FAM171A1: variants seen among roughly 807,000 people sequenced by gnomAD.
FAM171A1 encodes protein FAM171A1.
FAM171A1 carries 23 observed loss-of-function variants against 74.9 expected under a neutral mutation model. The observed-to-expected ratio is 0.31, with a 90% confidence interval of 0.22 to 0.44. The LOEUF is 0.44. FAM171A1 is among the 20% of genes least tolerant of loss of function. The pLI is 1.00. For synonymous variants in FAM171A1, 527 were observed against 505.7 expected, an observed-to-expected ratio of 1.04 and a Z score of -0.57; for missense variants, 1,162 against 1,159.2, an observed-to-expected ratio of 1.00 and a Z score of -0.03.
intron 1 of FAM171A1, among the ~76,000 whole-genome samples, chr10:15,285,981 G>GCTCCA: frequency 6.6e-6 from 1 of 152,356 alleles, no homozygotes; most frequent in Middle Eastern, 3.4e-3. Context: ...CCATGTGCTA[G>GCTCCA]CCATGTAGCC....
At chr10:15,233,559 T>A (rs1834238523) in intron 5 of FAM171A1, among the ~76,000 whole-genome samples, 1 of 143,048 alleles carries the variant, frequency 7.0e-6, no homozygotes, top group South Asian at 2.3e-4. Flanking sequence ...TGTGTGTGCA[T>A]GTGTGTGCGT....
In FAM171A1 at chr10:15,215,938, T is replaced by G; in HGVS notation, c.986+58A>C. On this transcript the variant is annotated intron_variant, in intron 7 of 7. Coordinates refer to ENST00000378116, the MANE Select transcript of FAM171A1 (RefSeq NM_001010924.2). ...ACCTCCATATTAATGCTTCTAAGTA[T>G]CAATTGCCCAAGAAACTGTGAATTA... The G allele has an allele frequency of 4.5e-6, 5 of 1,099,854 alleles. No homozygotes were observed. In the South Asian group the frequency reaches 7.9e-5, roughly 17 times the overall value. The allele number at this position is 1,099,854 out of a possible 1,614,324, so 68.1% of individuals were successfully genotyped here. A position where few individuals can be genotyped will look rare whatever the true frequency, so the allele number is the denominator to read the frequency against.
chr10:15,231,190 T>C (rs778794226), intron 5 of FAM171A1, among the ~76,000 whole-genome samples: 18 of 152,270 alleles, frequency 1.2e-4, no homozygotes, highest in South Asian at 4.1e-4. Flanking sequence ...GAGGAAAGCC[T>C]GAGAAGGCAA....
At chr10:15,215,391 A>G (rs932179518) in intron 7 of FAM171A1, among the ~76,000 whole-genome samples, 3 of 151,752 alleles carry the variant, frequency 2.0e-5, no homozygotes, top group Non-Finnish European at 2.9e-5. Context: ...TTTGAGATGG[A>G]GTCTTGCTCT....
intron 1 of FAM171A1, among the ~76,000 whole-genome samples, chr10:15,317,117 A>C (rs562967837): frequency 6.6e-6 from 1 of 152,180 alleles, no homozygotes; most frequent in East Asian, 1.9e-4. Flanking sequence ...CCAGTCACGG[A>C]AACAGGACAC....
At chr10:15,372,762 C>T (rs1836165825), upstream of FAM171A1, among the ~76,000 whole-genome samples, 1 of 150,782 alleles carries the variant, frequency 6.6e-6, no homozygotes, top group African/African-American at 2.4e-5. Context: ...CAAAACAAAA[C>T]CAAACCTCTA....
intron 1 of FAM171A1, among the ~76,000 whole-genome samples, chr10:15,328,227 C>G (rs1220844700): frequency 2.0e-5 from 3 of 152,214 alleles, no homozygotes; most frequent in African/African-American, 4.8e-5. Context: ...TCACTGCAAC[C>G]TCCACCTCCT....
rs771320430 is a variant in FAM171A1, at chr10:15,284,068, G to A, written c.135C>T (p.Thr45=). 2.5e-6 allele frequency: 4 copies of A among 1,613,800 alleles called. No individual in the cohort carries two copies. Among genetic ancestry groups the A allele is most frequent in the Middle Eastern group, 1.6e-4 (1 of 6,084 alleles). The change falls in exon 2 of 8, where the codon ACC becomes ACT. Residue 45 remains threonine (T), a synonymous_variant. Transcript: ENST00000378116. ...TLKVHISDAS[T]HQPVADALIE... ...TGAGCGCATCTGCTACGGGCTGGTG[G>A]GTGCTGGCGTCGCTGATGTGCACCT... is the stretch of plus-strand genomic sequence containing the variant.
rs186653028 is a variant in FAM171A1 at position 15,318,175 on chromosome 10, G to A, written c.98-34070C>T. Among the ~76,000 whole-genome samples, 186 of 152,332 alleles carry A rather than the reference G, an allele frequency of 1.2e-3. No homozygotes were observed. In the Middle Eastern group the frequency reaches 0.02, roughly 17 times the overall value. ...TCTTGGCAATAAAGAGAGCTGAAAT[G>A]TGACCAGCAGGAGAGGGGTGTGATG... is the stretch of plus-strand genomic sequence containing the variant. On this transcript the variant is annotated intron_variant, in intron 1 of 7. Coordinates refer to ENST00000378116, the MANE Select transcript of FAM171A1 (RefSeq NM_001010924.2).
intron 5 of FAM171A1, among the ~76,000 whole-genome samples, chr10:15,230,643 AT>A (rs111610537): frequency 6.6e-6 from 1 of 151,730 alleles, no homozygotes; most frequent in Non-Finnish European, 1.5e-5. Flanking sequence ...TAAGCAACTG[AT>A]TTTTTTTTCT....
At chr10:15,338,354 T>TTTATTTTTATAA (rs1835727580) in intron 1 of FAM171A1, among the ~76,000 whole-genome samples, 1 of 152,234 alleles carries the variant, frequency 6.6e-6, no homozygotes. Context: ...ATACATTATG[T>TTTATTTTTATAA]GCCTATCAAA....
chr10:15,317,741 T>C (rs1171200071), intron 1 of FAM171A1, among the ~76,000 whole-genome samples: 1 of 152,194 alleles, frequency 6.6e-6, no homozygotes, highest in Admixed American at 6.5e-5. Flanking sequence ...AATTCATAAA[T>C]ATATACCCAC....
chr10:15,215,084 C>T lies in FAM171A1; in HGVS notation c.987-483G>A, dbSNP rs559195823. Reference sequence around the variant, plus strand: ...TTTATCCTTATTAGAGTAGGATAATCGAGAGATTTCATCTTTTACTGTCTG... The same window carrying T: ...TTTATCCTTATTAGAGTAGGATAATTGAGAGATTTCATCTTTTACTGTCTG... On this transcript the variant is annotated intron_variant, in intron 7 of 7. Coordinates refer to ENST00000378116, the MANE Select transcript of FAM171A1 (RefSeq NM_001010924.2). Among the ~76,000 whole-genome samples the T allele has an allele frequency of 1.1e-4, 16 of 152,134 alleles. No individual in the cohort carries two copies. In the South Asian group the frequency reaches 2.5e-3, roughly 24 times the overall value.
At chr10:15,269,903 C>T (rs1041619595) in intron 3 of FAM171A1, among the ~76,000 whole-genome samples, 3 of 152,180 alleles carry the variant, frequency 2.0e-5, no homozygotes, top group African/African-American at 7.2e-5. Flanking sequence ...CACCATCCAA[C>T]AATAAGTGGA....
chr10:15,272,595 C>T (rs1287746743), intron 3 of FAM171A1, among the ~76,000 whole-genome samples: 3 of 152,192 alleles, frequency 2.0e-5, no homozygotes, highest in African/African-American at 4.8e-5. Context: ...ATACATTCTT[C>T]TCAGCATCAC....
At chr10:15,287,206 C>T (rs976953631) in intron 1 of FAM171A1, among the ~76,000 whole-genome samples, 3 of 149,838 alleles carry the variant, frequency 2.0e-5, no homozygotes, top group Admixed American at 2.0e-4. Flanking sequence ...ATTCTCCTGC[C>T]TCAGCCTCCC....
At chr10:15,250,294 T>G (rs1236778586) in intron 4 of FAM171A1, among the ~76,000 whole-genome samples, 1 of 152,130 alleles carries the variant, frequency 6.6e-6, no homozygotes, top group Non-Finnish European at 1.5e-5. Context: ...CATTTTATGG[T>G]AAAAAAACAA....
chr10:15,322,699 T>C (rs1331361240), intron 1 of FAM171A1, among the ~76,000 whole-genome samples: 2 of 152,122 alleles, frequency 1.3e-5, no homozygotes, highest in African/African-American at 4.8e-5. Flanking sequence ...CAGAGTGGGG[T>C]CATTTTGGTA....
At chr10:15,275,277 AT>A (rs1834878935) in intron 3 of FAM171A1, among the ~76,000 whole-genome samples, 1 of 150,678 alleles carries the variant, frequency 6.6e-6, no homozygotes, top group Admixed American at 6.6e-5. Flanking sequence ...TAATAAGTGG[AT>A]TCCATTTAAG....
Sources: gnomAD v4.1 joint callset for allele counts (sites outside exome capture counted in the v4.1 genomes callset) on GRCh38, gnomAD v4.1.1 for gene constraint, MANE v1.5 for transcripts, NCBI Gene and HGNC (gene_info 2026-07-23, HGNC 2026-07-21) for gene names.